SUSD3: variants seen among roughly 807,000 people sequenced by gnomAD.
SUSD3 encodes sushi domain containing 3, also known as sushi domain-containing protein 3.
Under a neutral mutation model 20.6 loss-of-function variants are expected in SUSD3, and 18 were observed. That is an observed-to-expected ratio of 0.87 (90% CI 0.60 to 1.30). SUSD3 has a LOEUF of 1.30. Ranked by LOEUF, SUSD3 falls within the 50% of genes most tolerant of loss-of-function variation. The probability of loss-of-function intolerance (pLI) is 0.00; values close to 1 mark genes in which losing one functional copy is unlikely to be tolerated. For missense variants in SUSD3, 306 were observed against 346.9 expected (o/e 0.88, Z 0.94); for synonymous variants, 137 against 141.5 (o/e 0.97, Z 0.23).
At chr9:93,080,339 AAC>A (rs1267699145) in intron 4 of SUSD3, among the ~76,000 whole-genome samples, 5,526 of 146,090 alleles carry the variant, frequency 0.038, 296 homozygotes, top group South Asian at 0.1. Flanking sequence ...AAAAAAAAAA[AAC>A]AAAACTAACA....
At chr9:93,075,751 C>CCCCCCCCCCCCCA in intron 1 of SUSD3, 33 bp from the exon 2 acceptor site, 1 of 248,754 alleles carries the variant, frequency 4.0e-6, no homozygotes, top group South Asian at 4.3e-5. Flanking sequence ...CCCCCCCCCC[C>CCCCCCCCCCCCCA]CCGCCATGCC....
Position 93,078,123 on chromosome 9 carries a change from T to C in SUSD3, c.425+130T>C, listed in dbSNP as rs1450462069. 4 of 1,284,036 alleles carry C rather than the reference T, an allele frequency of 3.1e-6. No homozygotes were observed. In the East Asian group the frequency reaches 9.5e-5, roughly 30 times the overall value. The allele number at this position is 1,284,036 out of a possible 1,614,324, so 79.5% of individuals were successfully genotyped here. A position where few individuals can be genotyped will look rare whatever the true frequency, so the allele number is the denominator to read the frequency against. The stretch of plus-strand genomic sequence containing the variant: ...GGGCACCCGTTCCTACCACTGCTGC[T>C]CTGGGCCTGCGTCTCCCCCCCAAGT... On this transcript the variant is annotated intron_variant, in intron 3 of 4. Coordinates refer to ENST00000375472, the MANE Select transcript of SUSD3 (RefSeq NM_145006.4).
chr9:93,069,298 A>T, intron 1 of SUSD3: 1 of 571,536 alleles, frequency 1.7e-6, no homozygotes, highest in Non-Finnish European at 3.2e-6. Flanking sequence ...GGCAACTCTC[A>T]TTTCACTTAA....
chr9:93,069,282 T>C, intron 1 of SUSD3: 1 of 584,588 alleles, frequency 1.7e-6, no homozygotes, highest in Non-Finnish European at 3.1e-6. Context: ...GCAGTGCTTG[T>C]GTTCAGGCAA....
intron 2 of SUSD3, 146 bp from the exon 3 acceptor site, chr9:93,077,700 T>C (rs1826222443): frequency 1.3e-6 from 1 of 753,952 alleles, no homozygotes; most frequent in Non-Finnish European, 2.1e-6. Flanking sequence ...CACTGCCCCC[T>C]TACCATGCAA....
At chr9:93,060,841 C>G (rs1334069903) in intron 1 of SUSD3, among the ~76,000 whole-genome samples, 1 of 152,100 alleles carries the variant, frequency 6.6e-6, no homozygotes, top group Non-Finnish European at 1.5e-5. Flanking sequence ...TGTCTCAAAA[C>G]AAAACAAAAA....
At chr9:93,063,925 C>T (rs1825603682) in intron 1 of SUSD3, among the ~76,000 whole-genome samples, 1 of 152,202 alleles carries the variant, frequency 6.6e-6, no homozygotes, top group Non-Finnish European at 1.5e-5. Flanking sequence ...ATCAGTTTTA[C>T]TGGGCTTGTA....
chr9:93,073,881 T>G (rs937625698), intron 1 of SUSD3, among the ~76,000 whole-genome samples: 2 of 152,198 alleles, frequency 1.3e-5, no homozygotes, highest in Admixed American at 6.5e-5. Flanking sequence ...GACCAGAGCC[T>G]CCTTGTCTGG....
chr9:93,078,949 G>T (rs150389646), intron 3 of SUSD3, among the ~76,000 whole-genome samples: 2 of 151,870 alleles, frequency 1.3e-5, no homozygotes, highest in Non-Finnish European at 2.9e-5. Flanking sequence ...ACAAGCGCCC[G>T]CCACCATGCT....
intron 4 of SUSD3, 84 bp from the exon 5 acceptor site, chr9:93,084,453 G>A (rs926613675): frequency 1.1e-4 from 142 of 1,330,000 alleles, no homozygotes; most frequent in Admixed American, 2.4e-4. Flanking sequence ...CCCACTGGAG[G>A]GCCTGGGTAC....
intron 4 of SUSD3, 22 bp from the exon 5 acceptor site, chr9:93,084,515 C>A: frequency 6.4e-7 from 1 of 1,555,568 alleles, no homozygotes; most frequent in South Asian, 1.2e-5. Flanking sequence ...CTTTTGCCAA[C>A]TCATGCCTCC....
chr9:93,080,148 G>A (rs981583179), intron 4 of SUSD3, among the ~76,000 whole-genome samples: 3 of 151,878 alleles, frequency 2.0e-5, no homozygotes, highest in Non-Finnish European at 2.9e-5. Flanking sequence ...GTGAAATCCC[G>A]TCTCTACTAA....
intron 3 of SUSD3, among the ~76,000 whole-genome samples, chr9:93,078,714 GCTGT>G (rs1396878251): frequency 6.6e-6 from 1 of 152,128 alleles, no homozygotes; most frequent in East Asian, 1.9e-4. Context: ...GCGAAGTCCG[GCTGT>G]CTGTCAGGTT....
chr9:93,075,878 C>G lies in SUSD3; in HGVS notation c.183C>G (p.Cys61Trp). Reference sequence around the variant, plus strand: ...TGGGGACCGTGCTCATGTTCCGCTGCCCCTCCAACCACCAGATGGTGGGGT... The same window carrying G: ...TGGGGACCGTGCTCATGTTCCGCTGGCCCTCCAACCACCAGATGGTGGGGT... Reference protein sequence around the residue: ...ASVGTVLMFRCPSNHQMVGSG... With the variant: ...ASVGTVLMFRWPSNHQMVGSG... The change falls in exon 2 of 5, where the codon TGC becomes TGG. Residue 61 changes from cysteine (C) to tryptophan (W), a missense_variant. By Grantham distance (215) the Cys-to-Trp change is radical (BLOSUM62 -2). Coordinates refer to ENST00000375472, the MANE Select transcript of SUSD3 (RefSeq NM_145006.4). 1 of 1,614,016 alleles carries G rather than the reference C, an allele frequency of 6.2e-7. No individual in the cohort carries two copies. Among genetic ancestry groups the G allele is most frequent in the Non-Finnish European group, 8.5e-7 (1 of 1,179,978 alleles).
intron 3 of SUSD3, 132 bp from the exon 4 acceptor site, chr9:93,079,339 C>T (rs1318355524): frequency 2.1e-6 from 2 of 961,044 alleles, no homozygotes; most frequent in Non-Finnish European, 3.1e-6. Flanking sequence ...ATCCACTGCC[C>T]AGCTCTTTGA....
intron 1 of SUSD3, among the ~76,000 whole-genome samples, chr9:93,059,701 G>T (rs1178757121): frequency 6.6e-6 from 1 of 152,190 alleles, no homozygotes; most frequent in African/African-American, 2.4e-5. Context: ...GGCCCGGAGT[G>T]GGGTGGGCTG....
At position 93,075,411 on chromosome 9, in the gene SUSD3, C is replaced by CTTTTTTTT. The variant is rs58393196; in HGVS notation, c.89-357_89-350dup. Among the ~76,000 whole-genome samples the CTTTTTTTT allele has an allele frequency of 1.3e-3, 135 of 101,278 alleles. 1 individual carries two copies. The highest frequency in any genetic ancestry group is 2.9e-3 in the African/African-American group (72 of 24,688). The allele number at this position is 101,278 out of a possible 152,430, so 66.4% of individuals were successfully genotyped here. A position where few individuals can be genotyped will look rare whatever the true frequency, so the allele number is the denominator to read the frequency against. ...AATCTGCTGATCTCTCTCTGTCCCT[C>CTTTTTTTT]TTTTTTTTTTTTTTTTTTTTTTTGT... is the stretch of plus-strand genomic sequence containing the variant. On this transcript the variant is annotated intron_variant, in intron 1 of 4. Coordinates refer to ENST00000375472, the MANE Select transcript of SUSD3 (RefSeq NM_145006.4).
At position 93,079,462 on chromosome 9, in the gene SUSD3, C is replaced by A; in HGVS notation, c.426-9C>A. On this transcript the variant is annotated splice_polypyrimidine_tract_variant and intron_variant, in intron 3 of 4. Coordinates refer to ENST00000375472, the MANE Select transcript of SUSD3 (RefSeq NM_145006.4). Reference sequence around the variant, plus strand: ...TGCTCAGAGTCCTTCCTCCCAAACTCTCCTCCAGGTCAGCCCAGCTGTGGT... The same window carrying A: ...TGCTCAGAGTCCTTCCTCCCAAACTATCCTCCAGGTCAGCCCAGCTGTGGT... The A allele has an allele frequency of 6.2e-7, 1 of 1,613,644 alleles. No individual in the cohort carries two copies. Among genetic ancestry groups the A allele is most frequent in the Middle Eastern group, 1.7e-4 (1 of 6,054 alleles).
Sources: allele counts gnomAD v4.1 joint callset (sites outside exome capture counted in the v4.1 genomes callset), GRCh38; gene constraint gnomAD v4.1.1; transcripts MANE v1.5; gene names NCBI Gene and HGNC (gene_info 2026-07-23, HGNC 2026-07-21).